Variants in SLC35D2 observed in about 807,000 individuals in gnomAD.
The protein encoded by SLC35D2 is solute carrier family 35 member D2.
In SLC35D2, 43 loss-of-function variants were observed where a neutral mutation model predicts 41.8. That is an observed-to-expected ratio of 1.03 (90% CI 0.81 to 1.33). The LOEUF (loss-of-function observed/expected upper bound fraction) is 1.33, where lower values mean the gene tolerates loss of function less well. Ranked by LOEUF, SLC35D2 falls within the 40% of genes most tolerant of loss-of-function variation. The pLI is 0.00. For missense variants in SLC35D2, 380 were observed against 408.4 expected (o/e 0.93, Z 0.60); for synonymous variants, 150 against 163.9 (o/e 0.92, Z 0.65).
rs1051139800 is a variant in SLC35D2, at chr9:96,359,518, T to C, written c.347+636A>G. Among the ~76,000 whole-genome samples, 4 of 151,088 alleles carry C rather than the reference T, an allele frequency of 2.6e-5. No individual in the cohort carries two copies. In the East Asian group the frequency reaches 8.0e-4, roughly 30 times the overall value. On this transcript the variant is annotated intron_variant, in intron 4 of 11. Coordinates refer to ENST00000253270, the MANE Select transcript of SLC35D2 (RefSeq NM_007001.3). ...AAGCCTGGCCAACATGGTGAAACCC[T>C]GTCTCTACTAAAAATACAAAACTTA...
At chr9:96,363,027 C>T (rs530820140) in intron 3 of SLC35D2, among the ~76,000 whole-genome samples, 22 of 152,002 alleles carry the variant, frequency 1.4e-4, no homozygotes, top group African/African-American at 3.6e-4. Context: ...CCACCACGCC[C>T]GGCTAATTTT....
intron 1 of SLC35D2, among the ~76,000 whole-genome samples, chr9:96,374,528 G>A (rs13302650): frequency 0.03 from 3,530 of 119,286 alleles, 59 homozygotes; most frequent in Middle Eastern, 0.086. Context: ...GCGAGACTCC[G>A]TCTCAAAAAA....
chr9:96,316,346 C>G (rs1312809093), downstream of SLC35D2, among the ~76,000 whole-genome samples: 4 of 151,968 alleles, frequency 2.6e-5, no homozygotes, highest in Non-Finnish European at 5.9e-5. Flanking sequence ...ACTAAAAATA[C>G]AAAAATTAGC....
chr9:96,358,752 G>A (rs1335148646), intron 4 of SLC35D2, among the ~76,000 whole-genome samples: 2 of 152,112 alleles, frequency 1.3e-5, no homozygotes, highest in Admixed American at 1.3e-4. Flanking sequence ...ACTTTGGGAG[G>A]CCAAGACAGG....
intron 6 of SLC35D2, among the ~76,000 whole-genome samples, chr9:96,350,210 G>A (rs537738146): frequency 1.3e-5 from 2 of 152,110 alleles, no homozygotes; most frequent in South Asian, 4.2e-4. Flanking sequence ...TTACTCTTTT[G>A]CTCAGGCTAG....
intron 4 of SLC35D2, chr9:96,357,636 G>T (rs74383718): frequency 6.6e-6 from 1 of 152,138 alleles, no homozygotes; most frequent in African/African-American, 2.4e-5. Flanking sequence ...TTAGAAGAAA[G>T]TATAGAAGTA....
chr9:96,381,767 C>T (rs958454319), intron 1 of SLC35D2, among the ~76,000 whole-genome samples: 1 of 152,182 alleles, frequency 6.6e-6, no homozygotes, highest in African/African-American at 2.4e-5. Context: ...TGGTACATCA[C>T]AAGTGCTTAG....
At chr9:96,362,659 A>T (rs997463921) in intron 3 of SLC35D2, among the ~76,000 whole-genome samples, 3 of 152,158 alleles carry the variant, frequency 2.0e-5, no homozygotes, top group African/African-American at 4.8e-5. Flanking sequence ...TACAAGGGTA[A>T]TTATTCATTC....
chr9:96,340,198 T>C (rs1829249983), intron 8 of SLC35D2, among the ~76,000 whole-genome samples: 2 of 152,222 alleles, frequency 1.3e-5, no homozygotes, highest in African/African-American at 4.8e-5. Context: ...AGAGCAATGT[T>C]AGTAGTGGAA....
chr9:96,321,405 T>TG lies in SLC35D2; in HGVS notation c.915-65dup, dbSNP rs560281524. On this transcript the variant is annotated intron_variant, in intron 11 of 11. Coordinates refer to ENST00000253270, the MANE Select transcript of SLC35D2 (RefSeq NM_007001.3). ...ATTTCACAGGGGCTCCAGCAGCAGT[T>TG]GCTGGCGTTTTTATCAATACACCTG... 272 of 1,180,152 alleles carry TG rather than the reference T, an allele frequency of 2.3e-4. 2 individuals are homozygous for TG. In the South Asian group the frequency reaches 2.7e-3, roughly 12 times the overall value. 73.1% of individuals were successfully genotyped at this position (1,180,152 alleles called of 1,614,324 possible). A position where few individuals can be genotyped will look rare whatever the true frequency, so the allele number is the denominator to read the frequency against.
intron 3 of SLC35D2, among the ~76,000 whole-genome samples, chr9:96,362,472 A>C (rs550374217): frequency 3.3e-5 from 5 of 152,018 alleles, no homozygotes; most frequent in Admixed American, 3.3e-4. Context: ...GCACAATTGC[A>C]CTCCAGCCTG....
chr9:96,346,440 C>T (rs925798027), intron 6 of SLC35D2, among the ~76,000 whole-genome samples: 3 of 152,160 alleles, frequency 2.0e-5, no homozygotes, highest in South Asian at 2.1e-4. Flanking sequence ...GCCGACCCTC[C>T]GTCCAGTGAT....
intron 3 of SLC35D2, among the ~76,000 whole-genome samples, chr9:96,362,714 A>C (rs1298644622): frequency 7.9e-5 from 12 of 152,170 alleles, no homozygotes; most frequent in Admixed American, 6.6e-4. Context: ...TGTATAGATT[A>C]GATTTTACCA....
At position 96,363,192 on chromosome 9, in the gene SLC35D2, C is replaced by T. The variant is rs1445206266; in HGVS notation, c.279+1272G>A. 5.4e-5 allele frequency among the ~76,000 whole-genome samples: 8 copies of T among 147,068 alleles called. No individual in the cohort carries two copies. In the South Asian group the frequency reaches 1.3e-3, roughly 24 times the overall value. ...TATTTTTTTTTTTTTTTTGAGACAACGTCTTACTACGTTCTCCACACTGAC... is the reference window on the plus strand; with the variant it reads ...TATTTTTTTTTTTTTTTTGAGACAATGTCTTACTACGTTCTCCACACTGAC... On this transcript the variant is annotated intron_variant, in intron 3 of 11. Coordinates refer to ENST00000253270, the MANE Select transcript of SLC35D2 (RefSeq NM_007001.3).
At chr9:96,342,897 C>G (rs1490396552) in intron 8 of SLC35D2, among the ~76,000 whole-genome samples, 1 of 152,124 alleles carries the variant, frequency 6.6e-6, no homozygotes, top group Non-Finnish European at 1.5e-5. Context: ...CAACATACAC[C>G]CATGCTGATT....
intron 2 of SLC35D2, among the ~76,000 whole-genome samples, chr9:96,366,713 T>C (rs190499914): frequency 3.3e-5 from 5 of 151,172 alleles, no homozygotes; most frequent in African/African-American, 1.2e-4. Flanking sequence ...TGACTTCAAG[T>C]GATCCACCCA....
chr9:96,347,179 C>T (rs1326921237), intron 6 of SLC35D2, among the ~76,000 whole-genome samples: 2 of 152,178 alleles, frequency 1.3e-5, no homozygotes, highest in Non-Finnish European at 2.9e-5. Context: ...TACCTACCCA[C>T]ATGTGATTCA....
chr9:96,382,149 G>C (rs961971943), intron 1 of SLC35D2, among the ~76,000 whole-genome samples: 1 of 151,984 alleles, frequency 6.6e-6, no homozygotes, highest in Non-Finnish European at 1.5e-5. Flanking sequence ...AACCAATCGA[G>C]CTTATGTGGG....
chr9:96,351,256 A>G (rs1829802216), intron 5 of SLC35D2, 85 bp from the exon 6 acceptor site: 1 of 972,822 alleles, frequency 1.0e-6, no homozygotes, highest in East Asian at 2.6e-5. Context: ...CAAATTGAAA[A>G]TAGACATCAG....
Sources: gnomAD v4.1 joint callset for allele counts (sites outside exome capture counted in the v4.1 genomes callset) on GRCh38, gnomAD v4.1.1 for gene constraint, MANE v1.5 for transcripts, NCBI Gene and HGNC (gene_info 2026-07-23, HGNC 2026-07-21) for gene names.